ATE1: variants seen among roughly 807,000 people sequenced by gnomAD.
ATE1 encodes arginyltransferase 1.
A neutral mutation model predicts 70.5 loss-of-function variants in ATE1; 36 were observed. The ratio of observed to expected loss-of-function variants is 0.51; its 90% CI spans 0.39 to 0.67. The LOEUF (loss-of-function observed/expected upper bound fraction) is 0.67. ATE1 is among the 30% of genes least tolerant of loss of function. ATE1 has a pLI of 0.00. For missense variants in ATE1, 593 were observed against 629.5 expected (o/e 0.94, Z 0.62); for synonymous variants, 232 against 219.3 (o/e 1.06, Z -0.51).
chr10:121,848,454 T>C (rs1181085881), intron 8 of ATE1, among the ~76,000 whole-genome samples: 3 of 151,156 alleles, frequency 2.0e-5, no homozygotes, highest in Non-Finnish European at 4.4e-5. Context: ...CCGTCTCTAC[T>C]AAAAATACAA....
chr10:121,801,675 C>T (rs1946884969), intron 10 of ATE1, among the ~76,000 whole-genome samples: 1 of 151,920 alleles, frequency 6.6e-6, no homozygotes. Context: ...TAAGAAGAAC[C>T]AATTTAGGTG....
chr10:121,760,357 C>T (rs1944987947), intron 11 of ATE1, among the ~76,000 whole-genome samples: 1 of 152,212 alleles, frequency 6.6e-6, no homozygotes, highest in Admixed American at 6.5e-5. Flanking sequence ...AAAGGATCCA[C>T]CATTCTAAAT....
chr10:121,801,102 A>G (rs1209176468), intron 10 of ATE1, among the ~76,000 whole-genome samples: 1 of 152,188 alleles, frequency 6.6e-6, no homozygotes, highest in African/African-American at 2.4e-5. Context: ...AAAGGACCTA[A>G]ACATCTGAAT....
chr10:121,743,701 C>G lies in ATE1; in HGVS notation c.1536G>C (p.Arg512=), dbSNP rs768884904. 9 of 1,611,500 alleles carry G rather than the reference C, an allele frequency of 5.6e-6. No homozygotes were observed. In the African/African-American group the frequency reaches 1.2e-4, roughly 22 times the overall value. The change falls in exon 12 of 12, where the codon CGG becomes CGC. Residue 512 remains arginine, a synonymous_variant. Coordinates refer to ENST00000224652, the MANE Select transcript of ATE1 (RefSeq NM_001001976.3). ...ASLVGQKCSE[R]MLLFRN ...CAGGTCAGTTTCTGAACAGCAGCATCCGCTCGGAGCACTTCTGCCCCACCA... is the reference window on the plus strand; with the variant it reads ...CAGGTCAGTTTCTGAACAGCAGCATGCGCTCGGAGCACTTCTGCCCCACCA...
intron 6 of ATE1, among the ~76,000 whole-genome samples, chr10:121,900,470 C>A (rs1242189981): frequency 2.6e-5 from 4 of 152,220 alleles, no homozygotes; most frequent in Non-Finnish European, 4.4e-5. Context: ...TACTTCATAG[C>A]ATAGTTAACA....
At chr10:121,897,856 G>GAA (rs1950838539) in intron 7 of ATE1, among the ~76,000 whole-genome samples, 1 of 150,048 alleles carries the variant, frequency 6.7e-6, no homozygotes, top group Admixed American at 6.7e-5. Context: ...GATGTTGAAT[G>GAA]AATAGGACTG....
intron 7 of ATE1, among the ~76,000 whole-genome samples, chr10:121,884,546 C>T (rs192538792): frequency 2.6e-5 from 4 of 151,934 alleles, no homozygotes; most frequent in South Asian, 4.1e-4. Flanking sequence ...GCTATGATGA[C>T]GACACTGCAC....
At chr10:121,820,934 T>C (rs1448900812) in intron 10 of ATE1, among the ~76,000 whole-genome samples, 1 of 152,206 alleles carries the variant, frequency 6.6e-6, no homozygotes, top group Non-Finnish European at 1.5e-5. Flanking sequence ...TCCTAAAATA[T>C]ATAGGAAAAC....
chr10:121,865,214 T>C (rs897715351), intron 8 of ATE1, among the ~76,000 whole-genome samples: 5 of 152,142 alleles, frequency 3.3e-5, no homozygotes, highest in African/African-American at 9.7e-5. Flanking sequence ...AGAATTAAAA[T>C]AAGGGAAGTG....
chr10:121,763,956 T>C lies in ATE1; in HGVS notation c.1379-20098A>G, dbSNP rs554283394. Among the ~76,000 whole-genome samples, 21 of 152,284 alleles carry C rather than the reference T, an allele frequency of 1.4e-4. No individual in the cohort carries two copies. The East Asian group carries it at 2.9e-3, about 21-fold the overall frequency. On this transcript the variant is annotated intron_variant, in intron 11 of 11. Coordinates refer to ENST00000224652, the MANE Select transcript of ATE1 (RefSeq NM_001001976.3). ...TTGAACCCAGGAGGCAGAGGTTGCA[T>C]TGAGCTGTGACTGTGCCACTGCACT...
At chr10:121,879,420 T>C (rs908580622) in intron 7 of ATE1, among the ~76,000 whole-genome samples, 2 of 152,190 alleles carry the variant, frequency 1.3e-5, no homozygotes, top group Non-Finnish European at 2.9e-5. Flanking sequence ...TGGCACTATA[T>C]TGCATACTTA....
intron 7 of ATE1, among the ~76,000 whole-genome samples, chr10:121,887,175 T>C (rs1484163383): frequency 1.2e-5 from 1 of 86,244 alleles, no homozygotes; most frequent in Non-Finnish European, 2.6e-5. Flanking sequence ...CAAAGGGTTC[T>C]CGATCTACAC....
chr10:121,770,822 TTAAA>T (rs1293897487), intron 11 of ATE1, among the ~76,000 whole-genome samples: 2 of 151,840 alleles, frequency 1.3e-5, no homozygotes, highest in Non-Finnish European at 2.9e-5. Flanking sequence ...TAAAAGAATC[TTAAA>T]TGAATGAATG....
chr10:121,904,578 T>C lies in ATE1; in HGVS notation c.584-1958A>G, dbSNP rs973688957. On this transcript the variant is annotated intron_variant, in intron 5 of 11. Coordinates refer to ENST00000224652, the MANE Select transcript of ATE1 (RefSeq NM_001001976.3). ...ATTGCTTGAACCCAGTAGGTGGAGG[T>C]TGCAGTGAGCTGAGACTGCGCCACT... Among the ~76,000 whole-genome samples, 9 of 143,870 alleles carry C rather than the reference T, an allele frequency of 6.3e-5. No individual in the cohort carries two copies. In the South Asian group the frequency reaches 1.1e-3, roughly 18 times the overall value. The allele number at this position is 143,870 out of a possible 152,430, so 94.4% of individuals were successfully genotyped here. A position where few individuals can be genotyped will look rare whatever the true frequency, so the allele number is the denominator to read the frequency against.
intron 11 of ATE1, among the ~76,000 whole-genome samples, chr10:121,746,454 T>C (rs1459436133): frequency 6.6e-6 from 1 of 152,212 alleles, no homozygotes; most frequent in Non-Finnish European, 1.5e-5. Flanking sequence ...ATCTAAAAAA[T>C]AGTTGTTTTT....
At chr10:121,846,023 T>C (rs914325157) in intron 8 of ATE1, among the ~76,000 whole-genome samples, 1 of 145,818 alleles carries the variant, frequency 6.9e-6, no homozygotes, top group African/African-American at 2.6e-5. Flanking sequence ...TATTCTGCAA[T>C]AAAAGAAACC....
intron 11 of ATE1, among the ~76,000 whole-genome samples, chr10:121,778,531 C>T (rs1405235224): frequency 7.0e-6 from 1 of 143,598 alleles, no homozygotes; most frequent in Admixed American, 7.0e-5. Flanking sequence ...ACCTAAATGG[C>T]GCCAAGAAAC....
rs1346893307 is a variant in ATE1 at position 121,902,569 on chromosome 10, C to T, written c.635G>A (p.Arg212Gln). 3 of 1,614,002 alleles carry T rather than the reference C, an allele frequency of 1.9e-6. No individual in the cohort carries two copies. Among genetic ancestry groups the T allele is most frequent in the Admixed American group, 1.7e-5 (1 of 59,994 alleles). Residue 212 changes from arginine to glutamine, a missense_variant, in exon 6 of 12, where the codon CGG (arginine) becomes CAG (glutamine). Coordinates refer to ENST00000224652, the MANE Select transcript of ATE1 (RefSeq NM_001001976.3). ...KPPCRKAKEIRKERKRLKLMQ... is the reference protein window; with the variant it reads ...KPPCRKAKEIQKERKRLKLMQ... ...TAGTTTTAACCTTTTCCTTTCTTTC[C>T]GGATTTCCTTTGCTTTTCGACATGG...
chr10:121,900,480 A>C (rs1488711803), intron 6 of ATE1, among the ~76,000 whole-genome samples: 1 of 151,572 alleles, frequency 6.6e-6, no homozygotes, highest in Non-Finnish European at 1.5e-5. Flanking sequence ...CATAGTTAAC[A>C]ACCATGACTC....
Sources: gnomAD v4.1 joint callset for allele counts (sites outside exome capture counted in the v4.1 genomes callset) on GRCh38, gnomAD v4.1.1 for gene constraint, MANE v1.5 for transcripts, NCBI Gene and HGNC (gene_info 2026-07-23, HGNC 2026-07-21) for gene names.